Variants in MYRF observed in about 807,000 individuals in gnomAD.
MYRF encodes the protein myelin regulatory factor.
MYRF carries 16 observed loss-of-function variants against 126.3 expected under a neutral mutation model. The observed-to-expected ratio is 0.13, with a 90% CI of 0.09 to 0.19. The LOEUF is 0.19. MYRF is among the 10% of genes least tolerant of loss of function. MYRF has a pLI of 1.00. For synonymous variants in MYRF, 608 were observed against 635.3 expected, an observed-to-expected ratio of 0.96 and a Z score of 0.65; for missense variants, 1,104 against 1,547.0, an observed-to-expected ratio of 0.71 and a Z score of 4.80.
chr11:61,770,031 G>A (rs2066166837), intron 4 of MYRF, among the ~76,000 whole-genome samples: 1 of 152,046 alleles, frequency 6.6e-6, no homozygotes, highest in African/African-American at 2.4e-5. Context: ...AGGATGAGGT[G>A]AAAGGCTGCC....
At position 61,761,438 on chromosome 11, in the gene MYRF, G is replaced by A. The variant is rs181071158; in HGVS notation, c.47-4187G>A. Among the ~76,000 whole-genome samples, 932 of 152,326 alleles carry A rather than the reference G, an allele frequency of 6.1e-3. 8 individuals are homozygous for A. The highest frequency in any genetic ancestry group is 0.028 in the Admixed American group (425 of 15,308). ...GAGAAGAGCGGAGCGGAGGGGAGGG[G>A]GCTGCCTTCCCATAGTCTGGATCGC... is the stretch of plus-strand genomic sequence containing the variant. On this transcript the variant is annotated intron_variant, in intron 1 of 26. Transcript: ENST00000278836.
At chr11:61,762,723 C>T (rs1011781198) in intron 1 of MYRF, among the ~76,000 whole-genome samples, 5 of 152,122 alleles carry the variant, frequency 3.3e-5, no homozygotes, top group African/African-American at 9.7e-5. Context: ...GGGAAAGAGA[C>T]GACGCGGCCT....
Position 61,765,630 on chromosome 11 carries a change from G to C in MYRF, c.52G>C (p.Asp18His), listed in dbSNP as rs747836674. ...EALQRFFEGH[D>H]INGALEPSNI... ...CCATCTCTCCTGCCCTGCAGGCCAC[G>C]ACATCAACGGTGCCCTGGAGCCCTC... The change falls in exon 2 of 27, where the codon GAC becomes CAC. Residue 18 changes from aspartate to histidine, a missense_variant. Coordinates refer to ENST00000278836, the MANE Select transcript of MYRF (RefSeq NM_001127392.3). The C allele has an allele frequency of 6.2e-7, 1 of 1,612,386 alleles. No homozygotes were observed. Among genetic ancestry groups the C allele is most frequent in the East Asian group, 2.2e-5 (1 of 44,842 alleles).
chr11:61,765,651 C>G lies in MYRF; in HGVS notation c.73C>G (p.Pro25Ala). The change falls in exon 2 of 27, where the codon CCC becomes GCC. Residue 25 changes from proline to alanine, a missense_variant. Coordinates refer to ENST00000278836, the MANE Select transcript of MYRF (RefSeq NM_001127392.3). ...CCACGACATCAACGGTGCCCTGGAG[C>G]CCTCCAACATAGACACCAGCATCCT... is the stretch of plus-strand genomic sequence containing the variant. ...EGHDINGALE[P>A]SNIDTSILEE... 1.9e-6 allele frequency: 3 copies of G among 1,612,968 alleles called. No individual in the cohort carries two copies. The highest frequency in any genetic ancestry group is 2.5e-6 in the Non-Finnish European group (3 of 1,179,798).
At chr11:61,753,205 T>C (rs2065654477) in intron 1 of MYRF, among the ~76,000 whole-genome samples, 1 of 151,966 alleles carries the variant, frequency 6.6e-6, no homozygotes, top group African/African-American at 2.4e-5. Context: ...GTGTGCCTTC[T>C]AGGACCTTCC....
At position 61,774,138 on chromosome 11, in the gene MYRF, C is replaced by T. The variant is rs1434682653; in HGVS notation, c.1287C>T (p.Phe429=). The T allele has an allele frequency of 1.2e-6, 2 of 1,611,260 alleles. No homozygotes were observed. Among genetic ancestry groups the T allele is most frequent in the Non-Finnish European group, 1.7e-6 (2 of 1,178,198 alleles). Residue 429 remains phenylalanine, a synonymous_variant, in exon 8 of 27, where the codon TTC becomes TTT. Transcript: ENST00000278836. ...TPEGLKPLDC[F]YLKLHGVKLE... is the part of the protein sequence containing the mutation. ...AGGGCCTCAAGCCCCTCGACTGCTTCTATCTGAAGCTGCACGGAGTGAAGG... is the reference window on the plus strand; with the variant it reads ...AGGGCCTCAAGCCCCTCGACTGCTTTTATCTGAAGCTGCACGGAGTGAAGG...
Position 61,757,447 on chromosome 11 carries a change from G to T in MYRF, c.46+4657G>T. On this transcript the variant is annotated intron_variant, in intron 1 of 26. Transcript: ENST00000278836. This position sits in a 1 kb window ranked among gnomAD's most constrained non-coding sequence, Gnocchi z 4.7. ...ATTAGGTAAGATTGTGCCTGGCCTG[G>T]TGAACACTCCATTGGTCCATGGCAG... 4.4e-6 allele frequency: 2 copies of T among 454,428 alleles called. No homozygotes were observed. The highest frequency in any genetic ancestry group is 3.1e-5 in the South Asian group (2 of 64,436). 28.1% of individuals were successfully genotyped at this position (454,428 alleles called of 1,614,324 possible).
chr11:61,770,189 GC>G, intron 4 of MYRF, 56 bp from the exon 5 acceptor site: 4 of 1,497,300 alleles, frequency 2.7e-6, no homozygotes, highest in Non-Finnish European at 3.6e-6. Context: ...GGAGGACAGT[GC>G]CCAGGAGCCT....
At chr11:61,781,095 T>A (rs779913285) in intron 20 of MYRF, 43 bp from the exon 21 acceptor site, 10 of 1,611,422 alleles carry the variant, frequency 6.2e-6, no homozygotes, top group Non-Finnish European at 7.6e-6. Context: ...CTATGTTCTG[T>A]CTTTGGGGCT....
At chr11:61,763,395 C>T (rs1019501734) in intron 1 of MYRF, among the ~76,000 whole-genome samples, 5 of 152,362 alleles carry the variant, frequency 3.3e-5, no homozygotes, top group Admixed American at 2.6e-4. Flanking sequence ...GCTGCAGTCA[C>T]TGTCACCACC....
At chr11:61,766,573 C>T (rs1264246237) in intron 3 of MYRF, 1 of 277,008 alleles carries the variant, frequency 3.6e-6, no homozygotes, top group Non-Finnish European at 6.8e-6. Flanking sequence ...TGCACGCGCG[C>T]CAAGCCCACC....
In MYRF at chr11:61,777,637, C is replaced by T. The variant is rs1274500452; in HGVS notation, c.1792-97C>T. The T allele has an allele frequency of 2.8e-5, 38 of 1,351,082 alleles. No individual in the cohort carries two copies. Among genetic ancestry groups the T allele is most frequent in the African/African-American group, 5.8e-5 (4 of 68,904 alleles). The allele number at this position is 1,351,082 out of a possible 1,614,324, so 83.7% of individuals were successfully genotyped here. On this transcript the variant is annotated intron_variant, in intron 12 of 26. Transcript: ENST00000278836. The surrounding 1 kb of genome is among the most constrained non-coding windows in gnomAD (Gnocchi z 8.8). Reference sequence around the variant, plus strand: ...CCACTCCAGTGGTGGGGTCTCCTCTCCACACTGCAGCCTCCAGGCTGCCGC... The same window carrying T: ...CCACTCCAGTGGTGGGGTCTCCTCTTCACACTGCAGCCTCCAGGCTGCCGC...
chr11:61,770,083 T>G (rs1020696194), intron 4 of MYRF, among the ~76,000 whole-genome samples, 163 bp from the exon 5 acceptor site: 1 of 151,790 alleles, frequency 6.6e-6, no homozygotes, highest in Non-Finnish European at 1.5e-5. Context: ...AGGCCTCTAG[T>G]AGGTGGCTGA....
chr11:61,787,651 G>C lies in MYRF; in HGVS notation c.*1508G>C, dbSNP rs2066724217. 6.5e-6 allele frequency: 1 copy of C among 152,758 alleles called. No individual in the cohort carries two copies. The highest frequency in any genetic ancestry group is 2.4e-5 in the African/African-American group (1 of 41,440). The allele number at this position is 152,758 out of a possible 1,614,324, so 9.5% of individuals were successfully genotyped here. ...GGAAGAGCAGGGGGATGCAGGAATAGCAGGGATAGCTTGCTCCCAGCCCCC... is the reference window on the plus strand; with the variant it reads ...GGAAGAGCAGGGGGATGCAGGAATACCAGGGATAGCTTGCTCCCAGCCCCC... On this transcript the variant is annotated 3_prime_UTR_variant, in exon 27 of 27. Transcript: ENST00000278836.
chr11:61,781,535 C>T (rs757329334), intron 21 of MYRF, 38 bp from the exon 22 acceptor site: 1 of 1,592,998 alleles, frequency 6.3e-7, no homozygotes. Context: ...AAGCAGCCAG[C>T]TTCCAGCTTC....
chr11:61,764,359 A>G (rs1591088795), intron 1 of MYRF, among the ~76,000 whole-genome samples: 1 of 152,126 alleles, frequency 6.6e-6, no homozygotes, highest in African/African-American at 2.4e-5. Context: ...CACTTCACAC[A>G]CCTCATCTCG....
At chr11:61,756,882 C>T (rs1210865537) in intron 1 of MYRF, among the ~76,000 whole-genome samples, 2 of 152,004 alleles carry the variant, frequency 1.3e-5, no homozygotes, top group African/African-American at 4.8e-5. Context: ...TCCCTGGGGG[C>T]CTGACTCCCC....
chr11:61,784,428 G>T, intron 25 of MYRF, 43 bp downstream of exon 25: 1 of 1,540,344 alleles, frequency 6.5e-7, no homozygotes. Flanking sequence ...GGCCCGAGCT[G>T]CTTCTCTCCT....
At chr11:61,770,694 G>T (rs899801297) in intron 5 of MYRF, among the ~76,000 whole-genome samples, 169 bp downstream of exon 5, 2 of 152,170 alleles carry the variant, frequency 1.3e-5, no homozygotes, top group African/African-American at 4.8e-5. Flanking sequence ...TGTTTACCCA[G>T]CAATACCTTG....
Sources: gnomAD v4.1 joint callset for allele counts (sites outside exome capture counted in the v4.1 genomes callset) on GRCh38, gnomAD v4.1.1 for gene constraint, Gnocchi (gnomAD v3.1) non-coding constraint, MANE v1.5 for transcripts, NCBI Gene and HGNC (gene_info 2026-07-23, HGNC 2026-07-21) for gene names.